The following PCDHA2 variants were observed in gnomAD, a reference collection of about 807,000 sequenced individuals.
The protein encoded by PCDHA2 is protocadherin alpha 2.
In PCDHA2, 58 loss-of-function variants were observed where a neutral mutation model predicts 66.0. The observed-to-expected ratio is 0.88, with a 90% CI of 0.71 to 1.09. The LOEUF (loss-of-function observed/expected upper bound fraction) is 1.09, where lower values mean the gene tolerates loss of function less well. Ranked by LOEUF, PCDHA2 falls within the 50% of genes least tolerant of loss-of-function variation. The probability of loss-of-function intolerance (pLI) is 0.00; values close to 1 mark genes in which losing one functional copy is unlikely to be tolerated. For missense variants in PCDHA2, 1,267 were observed against 1,242.3 expected (o/e 1.02, Z -0.30); for synonymous variants, 634 against 554.0 (o/e 1.14, Z -2.03).
chr5:140,966,742 G>T, intron 1 of PCDHA2: 1 of 1,422,480 alleles, frequency 7.0e-7, no homozygotes, highest in African/African-American at 1.5e-5. Context: ...GCCCTGCCCG[G>T]CTGCCTCCGC....
chr5:140,815,206 C>T (rs141510646), intron 1 of PCDHA2: 2 of 152,170 alleles, frequency 1.3e-5, no homozygotes, highest in East Asian at 3.9e-4. Context: ...ATTGATAGGG[C>T]ATAACTTACT....
At chr5:140,871,305 G>T in intron 1 of PCDHA2, 14 of 1,613,992 alleles carry the variant, frequency 8.7e-6, no homozygotes, top group Non-Finnish European at 1.1e-5. Context: ...GCGCGCCGGG[G>T]AAGCCCACGC....
At chr5:140,816,223 T>C (rs1252026344) in intron 1 of PCDHA2, 8 of 152,244 alleles carry the variant, frequency 5.3e-5, no homozygotes, top group African/African-American at 1.9e-4. Context: ...CTACTCTGTC[T>C]GGATAATTTC....
At chr5:140,843,442 A>C in intron 1 of PCDHA2, 2 of 1,596,116 alleles carry the variant, frequency 1.3e-6, no homozygotes, top group Non-Finnish European at 1.7e-6. Context: ...TCTGCGCGGT[A>C]TCCAGCCTGC....
intron 1 of PCDHA2, among the ~76,000 whole-genome samples, chr5:140,946,263 G>T (rs1168857420): frequency 6.6e-6 from 1 of 151,750 alleles, no homozygotes; most frequent in East Asian, 1.9e-4. Flanking sequence ...AGAAAAATGC[G>T]AATTAAAACC....
intron 1 of PCDHA2, among the ~76,000 whole-genome samples, chr5:140,837,886 C>T (rs1466183059): frequency 6.6e-6 from 1 of 151,430 alleles, no homozygotes; most frequent in East Asian, 1.9e-4. Context: ...GTCTTGTTTC[C>T]CAGGCTGGTC....
At chr5:140,832,467 A>T (rs1308124277) in intron 1 of PCDHA2, among the ~76,000 whole-genome samples, 3 of 152,222 alleles carry the variant, frequency 2.0e-5, no homozygotes, top group Admixed American at 6.5e-5. Flanking sequence ...ACTAAAATTT[A>T]AAAAAACTAA....
At chr5:140,824,487 C>T in intron 1 of PCDHA2, 1 of 356,814 alleles carries the variant, frequency 2.8e-6, no homozygotes, top group Non-Finnish European at 5.1e-6. Flanking sequence ...TTTTTAGAGA[C>T]CCTTTGTTGC....
intron 1 of PCDHA2, chr5:140,822,269 C>A: frequency 2.5e-6 from 4 of 1,614,196 alleles, no homozygotes; most frequent in Non-Finnish European, 3.4e-6. Context: ...GGAGCAAATG[C>A]ACAATTGAGA....
chr5:140,927,848 G>A (rs1295513512), intron 1 of PCDHA2: 3 of 1,614,062 alleles, frequency 1.9e-6, no homozygotes, highest in Non-Finnish European at 2.5e-6. Context: ...GGTGTCTTTG[G>A]TTTAGCTAGC....
At chr5:141,002,733 G>T (rs556024108) in intron 3 of PCDHA2, among the ~76,000 whole-genome samples, 1 of 152,314 alleles carries the variant, frequency 6.6e-6, no homozygotes, top group Admixed American at 6.5e-5. Context: ...CACAGTAAAT[G>T]TTAACTACAT....
chr5:140,855,292 C>A lies in PCDHA2; in HGVS notation c.2388+57940C>A, dbSNP rs950015519. Reference sequence around the variant, plus strand: ...ACTCAACCACCGTATTACTATTAGGCCAAAGTTATAAAATTGGAACATGAG... The same window carrying A: ...ACTCAACCACCGTATTACTATTAGGACAAAGTTATAAAATTGGAACATGAG... On this transcript the variant is annotated intron_variant, in intron 1 of 3. Transcript: ENST00000526136. Among the ~76,000 whole-genome samples, 36 of 149,604 alleles carry A rather than the reference C, an allele frequency of 2.4e-4. 2 individuals carry two copies. Among genetic ancestry groups the A allele is most frequent in the African/African-American group, 8.6e-4 (35 of 40,780 alleles).
intron 1 of PCDHA2, chr5:140,805,565 A>C (rs1763594413): frequency 1.0e-6 from 1 of 969,672 alleles, no homozygotes; most frequent in Non-Finnish European, 1.2e-6. Context: ...AGGCAAGGAA[A>C]GTTTTTAAAT....
At chr5:140,906,416 T>A (rs2072639287) in intron 1 of PCDHA2, among the ~76,000 whole-genome samples, 1 of 152,190 alleles carries the variant, frequency 6.6e-6, no homozygotes, top group African/African-American at 2.4e-5. Flanking sequence ...AGTCAATAAA[T>A]CTTATGTCAC....
At chr5:140,896,882 T>C (rs1345268084) in intron 1 of PCDHA2, among the ~76,000 whole-genome samples, 1 of 152,198 alleles carries the variant, frequency 6.6e-6, no homozygotes. Flanking sequence ...TTATGGGGTA[T>C]ATGAGACATT....
intron 1 of PCDHA2, chr5:140,843,325 G>A: frequency 6.3e-7 from 1 of 1,596,050 alleles, no homozygotes. Flanking sequence ...TTCTGGTGTC[G>A]CTGGTGGAGA....
chr5:140,885,152 T>C (rs1182560213), intron 1 of PCDHA2, among the ~76,000 whole-genome samples: 1 of 152,206 alleles, frequency 6.6e-6, no homozygotes, highest in African/African-American at 2.4e-5. Context: ...CTGTTTTGAT[T>C]GTCTCTACTT....
chr5:141,004,871 C>T (rs2098186149), intron 3 of PCDHA2, among the ~76,000 whole-genome samples: 2 of 152,126 alleles, frequency 1.3e-5, no homozygotes, highest in South Asian at 4.1e-4. Context: ...TGTTTCTCAT[C>T]CCTAAAGTGC....
In PCDHA2 at chr5:141,011,628, A is replaced by G. The variant is rs568783669; in HGVS notation, c.*1691A>G. On this transcript the variant is annotated 3_prime_UTR_variant, in exon 4 of 4. Coordinates refer to ENST00000526136, the MANE Select transcript of PCDHA2 (RefSeq NM_018905.3). ...TTTATTTATGGTCCAGCCAAGAGCC[A>G]TCTCGTGCCAAGACTTCTGCTGGCA... is the stretch of plus-strand genomic sequence containing the variant. The G allele has an allele frequency of 6.5e-6, 1 of 153,882 alleles. No homozygotes were observed. Among genetic ancestry groups the G allele is most frequent in the East Asian group, 1.9e-4 (1 of 5,186 alleles). 9.5% of individuals were successfully genotyped at this position (153,882 alleles called of 1,614,324 possible).
Sources: gnomAD v4.1 joint callset for allele counts (sites outside exome capture counted in the v4.1 genomes callset) on GRCh38, gnomAD v4.1.1 for gene constraint, MANE v1.5 for transcripts, NCBI Gene and HGNC (gene_info 2026-07-23, HGNC 2026-07-21) for gene names.